The following VWF variants were observed in gnomAD, a reference collection of about 807,000 sequenced individuals.
VWF encodes the protein Factor VIII related antigen.
A neutral mutation model predicts 308.6 loss-of-function variants in VWF; 176 were observed. The ratio of observed to expected loss-of-function variants is 0.57; its 90% CI spans 0.50 to 0.65. The LOEUF (loss-of-function observed/expected upper bound fraction) is 0.65, where lower values mean the gene tolerates loss of function less well. Among genes scored for constraint, VWF ranks in the 30% least tolerant of loss-of-function variants. The pLI is 0.00. For synonymous variants in VWF, 1,385 were observed against 1,443.4 expected (o/e 0.96, Z 0.92); for missense variants, 3,146 against 3,648.2 (o/e 0.86, Z 3.55).
rs540687510 is a variant in VWF, at chr12:5,985,590, T to A, written c.6874A>T (p.Thr2292Ser). ...TTGGCCGTGGGGCAGGGCTGCGTTG[T>A]GCAGTTGACCTTCCGCCCGCTGAGG... is the stretch of plus-strand genomic sequence containing the variant. ...TCLSGRKVNC[T>S]TQPCPTAKAP... Residue 2292 changes from threonine to serine, a missense_variant, in exon 39 of 52, where the codon ACA (threonine) becomes TCA (serine). Physicochemically the swap from Thr to Ser is moderately conservative, Grantham distance 58. Coordinates refer to ENST00000261405, the MANE Select transcript of VWF (RefSeq NM_000552.5). 3.1e-6 allele frequency: 5 copies of A among 1,614,094 alleles called. No homozygotes were observed. The East Asian group carries it at 1.1e-4, about 36-fold the overall frequency.
At position 6,064,371 on chromosome 12, in the gene VWF, C is replaced by G; in HGVS notation, c.1307G>C (p.Arg436Pro). The G allele has an allele frequency of 1.2e-6, 2 of 1,614,116 alleles. No individual in the cohort carries two copies. The highest frequency in any genetic ancestry group is 2.2e-5 in the South Asian group (2 of 91,090). ...VIETVQCADDRDAVCTRSVTV... is the reference protein window; with the variant it reads ...VIETVQCADDPDAVCTRSVTV... The stretch of plus-strand genomic sequence containing the variant: ...GACGGAGCGGGTGCACACAGCGTCG[C>G]GGTCATCAGCACACTGCCAAGAGGG... The change falls in exon 12 of 52, where the codon CGC (arginine) becomes CCC (proline). Residue 436 changes from arginine to proline, a missense_variant. Physicochemically the swap from Arg to Pro is moderately radical, Grantham distance 103. Transcript: ENST00000261405.
intron 34 of VWF, among the ~76,000 whole-genome samples, chr12:6,001,854 C>T (rs76996627): frequency 4.6e-5 from 7 of 152,174 alleles, no homozygotes; most frequent in South Asian, 2.1e-4. Context: ...AAGAAAATAA[C>T]GGTAACTTCC....
intron 3 of VWF, among the ~76,000 whole-genome samples, chr12:6,111,889 C>T (rs1469787356): frequency 1.3e-5 from 2 of 150,320 alleles, no homozygotes; most frequent in Admixed American, 6.6e-5. Context: ...ACCCAGGAGG[C>T]GGAGCTTGCA....
chr12:6,006,296 A>C (rs2136398188), intron 34 of VWF, among the ~76,000 whole-genome samples: 2 of 152,154 alleles, frequency 1.3e-5, no homozygotes, highest in East Asian at 3.9e-4. Flanking sequence ...ATCATTACCC[A>C]AAAAAATCAA....
At chr12:6,033,750 C>T (rs758636650) in intron 20 of VWF, among the ~76,000 whole-genome samples, 2 of 151,038 alleles carry the variant, frequency 1.3e-5, no homozygotes, top group Non-Finnish European at 2.9e-5. Flanking sequence ...ATGCTCTACA[C>T]GAGTGGTCGG....
chr12:6,013,367 C>T (rs1944019227), intron 32 of VWF, 114 bp downstream of exon 32: 1 of 1,337,734 alleles, frequency 7.5e-7, no homozygotes. Flanking sequence ...TCATTCAAGG[C>T]CAAATCTTAT....
rs550659383 is a variant in VWF at position 6,030,161 on chromosome 12, C to T, written c.2821-673G>A. ...TGAGGCTGAGGCTGAGAACTGCCAT[C>T]ATCCCTTTGCAGAGGTCCTCTCATT... On this transcript the variant is annotated intron_variant, in intron 21 of 51. Coordinates refer to ENST00000261405, the MANE Select transcript of VWF (RefSeq NM_000552.5). Among the ~76,000 whole-genome samples the T allele has an allele frequency of 5.3e-5, 8 of 152,304 alleles. No homozygotes were observed. In the South Asian group the frequency reaches 1.2e-3, roughly 24 times the overall value.
At chr12:6,074,389 T>G (rs1354902152) in intron 7 of VWF, among the ~76,000 whole-genome samples, 1 of 148,988 alleles carries the variant, frequency 6.7e-6, no homozygotes, top group Non-Finnish European at 1.5e-5. Context: ...CCGAAACACA[T>G]AAGCACTCTT....
chr12:6,017,020 G>A (rs575024073), intron 28 of VWF, 150 bp from the exon 29 acceptor site: 7 of 807,404 alleles, frequency 8.7e-6, no homozygotes, highest in South Asian at 8.2e-5. Flanking sequence ...GAGTACAAGG[G>A]CAATGTGGGC....
chr12:6,115,226 T>TG (rs950289746), intron 3 of VWF, among the ~76,000 whole-genome samples: 4 of 152,050 alleles, frequency 2.6e-5, no homozygotes, highest in African/African-American at 7.2e-5. Context: ...TTTGTACAGA[T>TG]GGGGGTCTCG....
In VWF at chr12:6,013,558, A is replaced by T; in HGVS notation, c.5543T>A (p.Val1848Glu). ...ILAGPAGDSN[V>E]VKLQRIEDLP... ...GTCTTCGATTCGCTGGAGCTTCACC[A>T]CGTTGGAGTCGCCTGCTGGGCCTGC... Residue 1848 changes from valine to glutamate, a missense_variant, in exon 32 of 52, where the codon GTG (valine) becomes GAG (glutamate). By Grantham distance (121) the Val-to-Glu change is moderately radical. Around this residue, in one of 3 missense-constraint regions of VWF, gnomAD observed 853 missense variants for 1,177.8 expected, o/e 0.72. Coordinates refer to ENST00000261405, the MANE Select transcript of VWF (RefSeq NM_000552.5). 6.2e-7 allele frequency: 1 copy of T among 1,614,032 alleles called. No individual in the cohort carries two copies. The highest frequency in any genetic ancestry group is 1.1e-5 in the South Asian group (1 of 91,066).
At chr12:6,096,466 C>T (rs1945107141) in intron 5 of VWF, among the ~76,000 whole-genome samples, 1 of 152,198 alleles carries the variant, frequency 6.6e-6, no homozygotes, top group South Asian at 2.1e-4. Flanking sequence ...CACTCATCAC[C>T]TTTGGTTTGT....
rs556175130 is a variant in VWF, at chr12:5,997,932, C to G, written c.5843-1710G>C. Among the ~76,000 whole-genome samples, 649 of 152,276 alleles carry G rather than the reference C, an allele frequency of 4.3e-3. 3 individuals carry two copies. Among genetic ancestry groups the G allele is most frequent in the Non-Finnish European group, 5.7e-3 (386 of 68,018 alleles). ...AGTTATATAACAAAATGTTACTGCACAGTTATAAAATATTATCACAGAGTA... is the reference window on the plus strand; with the variant it reads ...AGTTATATAACAAAATGTTACTGCAGAGTTATAAAATATTATCACAGAGTA... On this transcript the variant is annotated intron_variant, in intron 34 of 51. Transcript: ENST00000261405.
Position 6,025,611 on chromosome 12 carries a change from G to T in VWF, c.3191C>A (p.Thr1064Asn), listed in dbSNP as rs143024162. ...GTTGCAGTCCTGGAAGACGTCACTG[G>T]TAAGGATTCTACAGGAGGAATCCAC... is the stretch of plus-strand genomic sequence containing the variant. ...TMVDSSCRILTSDVFQDCNKL... is the reference protein window; with the variant it reads ...TMVDSSCRILNSDVFQDCNKL... The change falls in exon 24 of 52, where the codon ACC (threonine) becomes AAC (asparagine). Residue 1064 changes from threonine to asparagine, a missense_variant. Thr to Asn is a moderately conservative substitution (Grantham distance 65, BLOSUM62 0). Around this residue, in one of 3 missense-constraint regions of VWF, gnomAD observed 853 missense variants for 1,177.8 expected, o/e 0.72. Transcript: ENST00000261405. 6.1e-5 allele frequency: 92 copies of T among 1,508,092 alleles called. No individual in the cohort carries two copies. Among genetic ancestry groups the T allele is most frequent in the Middle Eastern group, 1.8e-4 (1 of 5,460 alleles). 93.4% of individuals were successfully genotyped at this position (1,508,092 alleles called of 1,614,324 possible).
rs1944111035 is a variant in VWF at position 6,019,829 on chromosome 12, T to C, written c.3675-86A>G. On this transcript the variant is annotated intron_variant, in intron 27 of 51. Coordinates refer to ENST00000261405, the MANE Select transcript of VWF (RefSeq NM_000552.5). This position sits in a 1 kb window ranked among gnomAD's most constrained non-coding sequence, Gnocchi z 5.8. Reference sequence around the variant, plus strand: ...CCTACAGTGTACAATGACTTCCATATTCCCACAGAATCTCCTCTGTTCCAC... The same window carrying C: ...CCTACAGTGTACAATGACTTCCATACTCCCACAGAATCTCCTCTGTTCCAC... 7.1e-7 allele frequency: 1 copy of C among 1,407,804 alleles called. No individual in the cohort carries two copies. Among genetic ancestry groups the C allele is most frequent in the Non-Finnish European group, 9.7e-7 (1 of 1,028,912 alleles). The allele number at this position is 1,407,804 out of a possible 1,614,324, so 87.2% of individuals were successfully genotyped here. A position where few individuals can be genotyped will look rare whatever the true frequency, so the allele number is the denominator to read the frequency against.
chr12:6,099,561 T>C (rs1403782877), intron 5 of VWF, among the ~76,000 whole-genome samples: 1 of 152,102 alleles, frequency 6.6e-6, no homozygotes, highest in African/African-American at 2.4e-5. Flanking sequence ...AACAGTCCAC[T>C]CTAAGCAAGA....
intron 33 of VWF, 127 bp from the exon 34 acceptor site, chr12:6,011,921 T>C: frequency 1.6e-6 from 2 of 1,216,850 alleles, no homozygotes; most frequent in South Asian, 1.2e-5. Context: ...CCCCTGTACA[T>C]GAGACAGGAA....
chr12:6,081,673 G>A (rs780622443), intron 6 of VWF, among the ~76,000 whole-genome samples: 12 of 152,220 alleles, frequency 7.9e-5, no homozygotes, highest in South Asian at 6.2e-4. Context: ...TCCAGGGATC[G>A]CCTAGGACTC....
intron 18 of VWF, among the ~76,000 whole-genome samples, chr12:6,036,957 A>C (rs1325460272): frequency 6.6e-6 from 1 of 152,202 alleles, no homozygotes; most frequent in Non-Finnish European, 1.5e-5. Context: ...AATTGGAAAC[A>C]CTTAATAGGA....
Sources: gnomAD v4.1 joint callset for allele counts (sites outside exome capture counted in the v4.1 genomes callset) on GRCh38, gnomAD v4.1.1 for gene constraint, gnomAD v4.1.1 regional missense constraint, Gnocchi (gnomAD v3.1) non-coding constraint, MANE v1.5 for transcripts, NCBI Gene and HGNC (gene_info 2026-07-23, HGNC 2026-07-21) for gene names.